Variants in GRAMD1C observed in about 807,000 individuals in gnomAD.
The protein encoded by GRAMD1C is protein Aster-C.
In GRAMD1C, 89 loss-of-function variants were observed where a neutral mutation model predicts 97.8. The observed-to-expected ratio is 0.91, with a 90% CI of 0.77 to 1.09. GRAMD1C has a LOEUF of 1.09. GRAMD1C is among the 50% of genes least tolerant of loss of function. The probability of loss-of-function intolerance (pLI) is 0.00; values close to 1 mark genes in which losing one functional copy is unlikely to be tolerated. For synonymous variants in GRAMD1C, 256 were observed against 267.0 expected (o/e 0.96, Z 0.40); for missense variants, 740 against 766.4 (o/e 0.97, Z 0.41).
intron 10 of GRAMD1C, among the ~76,000 whole-genome samples, chr3:113,924,687 TTGTG>T (rs1216122429): frequency 6.6e-6 from 1 of 152,226 alleles, no homozygotes. Context: ...TAATGGCTGA[TTGTG>T]TGGTCGATTT....
intron 2 of GRAMD1C, among the ~76,000 whole-genome samples, chr3:113,857,066 T>G (rs1934160807): frequency 6.6e-6 from 1 of 151,972 alleles, no homozygotes; most frequent in African/African-American, 2.4e-5. Flanking sequence ...CTCGAACTCC[T>G]GAGCTCAAGT....
intron 6 of GRAMD1C, among the ~76,000 whole-genome samples, chr3:113,895,286 C>T (rs769358508): frequency 6.6e-6 from 1 of 152,122 alleles, no homozygotes; most frequent in Non-Finnish European, 1.5e-5. Context: ...TTCTGATCAC[C>T]AGAAAGGAAT....
intron 6 of GRAMD1C, 118 bp from the exon 7 acceptor site, chr3:113,900,913 C>T (rs546560018): frequency 2.4e-5 from 13 of 546,266 alleles, no homozygotes; most frequent in Admixed American, 1.9e-4. Context: ...ACTACCAAAG[C>T]CCCATATCTA....
At position 113,838,874 on chromosome 3, in the gene GRAMD1C, G is replaced by T. The variant is rs909107791; in HGVS notation, c.-36G>T. The T allele has an allele frequency of 2.4e-5, 30 of 1,228,004 alleles. No homozygotes were observed. In the African/African-American group the frequency reaches 4.4e-4, roughly 18 times the overall value. The allele number at this position is 1,228,004 out of a possible 1,614,324, so 76.1% of individuals were successfully genotyped here. On this transcript the variant is annotated 5_prime_UTR_variant, in exon 1 of 18. Coordinates refer to ENST00000358160, the MANE Select transcript of GRAMD1C (RefSeq NM_017577.5). ...GGCGCGGGGCGGTGCGGTGCGGTGC[G>T]CGCGGGGCGGTGCCGCGGCGGCGGA...
chr3:113,926,255 T>C (rs1464122434), intron 10 of GRAMD1C, among the ~76,000 whole-genome samples: 1 of 152,212 alleles, frequency 6.6e-6, no homozygotes, highest in Non-Finnish European at 1.5e-5. Context: ...TTTTTTATTC[T>C]TTTTTCTTTA....
chr3:113,880,422 T>C (rs1267652096), intron 5 of GRAMD1C, among the ~76,000 whole-genome samples: 1 of 152,172 alleles, frequency 6.6e-6, no homozygotes. Flanking sequence ...CTCCTTTTTT[T>C]TAAAAAAACA....
In GRAMD1C at chr3:113,940,949, G is replaced by A. The variant is rs1202255865; in HGVS notation, c.1908+604G>A. 1.2e-4 allele frequency among the ~76,000 whole-genome samples: 19 copies of A among 152,178 alleles called. No individual in the cohort carries two copies. In the East Asian group the frequency reaches 1.5e-3, roughly 12 times the overall value. On this transcript the variant is annotated intron_variant, in intron 17 of 17. Transcript: ENST00000358160. ...TAAATCTCTCAGAATCTTTATTCACGTAGGTACTCCATTGATGAGGTCTTC... is the reference window on the plus strand; with the variant it reads ...TAAATCTCTCAGAATCTTTATTCACATAGGTACTCCATTGATGAGGTCTTC...
At chr3:113,908,082 TCCTC>T (rs1936432010) in intron 8 of GRAMD1C, among the ~76,000 whole-genome samples, 1 of 152,176 alleles carries the variant, frequency 6.6e-6, no homozygotes, top group African/African-American at 2.4e-5. Flanking sequence ...GAAACCTGTA[TCCTC>T]CCTGGAGCTG....
chr3:113,917,386 C>T (rs1369912278), intron 10 of GRAMD1C, among the ~76,000 whole-genome samples: 8 of 152,078 alleles, frequency 5.3e-5, no homozygotes, highest in Non-Finnish European at 8.8e-5. Context: ...TGAAGAGGTG[C>T]GATCTCGGCT....
intron 12 of GRAMD1C, among the ~76,000 whole-genome samples, chr3:113,934,138 G>C (rs1937533657): frequency 1.3e-5 from 2 of 152,112 alleles, no homozygotes; most frequent in Non-Finnish European, 2.9e-5. Context: ...AAGGAATTTA[G>C]AAAATTTAGT....
At chr3:113,929,875 G>C (rs1420562371) in intron 10 of GRAMD1C, among the ~76,000 whole-genome samples, 2 of 152,088 alleles carry the variant, frequency 1.3e-5, no homozygotes, top group Non-Finnish European at 2.9e-5. Flanking sequence ...TTAGATAAAG[G>C]CTCCTATGCT....
intron 10 of GRAMD1C, among the ~76,000 whole-genome samples, chr3:113,924,116 C>T (rs4682512): frequency 0.21 from 28,780 of 134,772 alleles, 2,933 homozygotes; most frequent in Middle Eastern, 0.26. Flanking sequence ...TCTGTGGGGT[C>T]GGTGGTAATG....
intron 5 of GRAMD1C, among the ~76,000 whole-genome samples, chr3:113,878,321 T>G (rs886718907): frequency 6.6e-6 from 1 of 152,106 alleles, no homozygotes; most frequent in East Asian, 1.9e-4. Context: ...ATTTACCTAT[T>G]TTTCTGGCCC....
intron 6 of GRAMD1C, among the ~76,000 whole-genome samples, chr3:113,892,790 G>A (rs1202727444): frequency 6.6e-6 from 1 of 152,102 alleles, no homozygotes; most frequent in African/African-American, 2.4e-5. Context: ...GAACTGTGCA[G>A]TCATAGTTCA....
At chr3:113,848,492 T>G (rs1274430579) in intron 2 of GRAMD1C, among the ~76,000 whole-genome samples, 1 of 46,550 alleles carries the variant, frequency 2.1e-5, no homozygotes. Context: ...TTAGTTGTTG[T>G]ATTTGTTTTT....
At chr3:113,919,297 T>A in intron 10 of GRAMD1C, 1 of 472,506 alleles carries the variant, frequency 2.1e-6, no homozygotes, top group Admixed American at 2.4e-5. Context: ...GCCAGGAAAA[T>A]GACAGAAATG....
chr3:113,858,184 T>G (rs948602406), intron 2 of GRAMD1C, among the ~76,000 whole-genome samples: 2 of 151,948 alleles, frequency 1.3e-5, no homozygotes, highest in African/African-American at 2.4e-5. Context: ...GTAGTTTATG[T>G]TTTTTGATAA....
chr3:113,843,670 C>A (rs1424653086), intron 1 of GRAMD1C, among the ~76,000 whole-genome samples: 1 of 152,094 alleles, frequency 6.6e-6, no homozygotes, highest in African/African-American at 2.4e-5. Context: ...GACAGGGTTT[C>A]ATTATATCGG....
At chr3:113,865,180 G>A (rs1934538588) in intron 2 of GRAMD1C, among the ~76,000 whole-genome samples, 1 of 152,084 alleles carries the variant, frequency 6.6e-6, no homozygotes, top group Admixed American at 6.5e-5. Context: ...TGCTCTTTTG[G>A]TAATTAATCC....
Sources: gnomAD v4.1 joint callset for allele counts (sites outside exome capture counted in the v4.1 genomes callset) on GRCh38, gnomAD v4.1.1 for gene constraint, MANE v1.5 for transcripts, NCBI Gene and HGNC (gene_info 2026-07-23, HGNC 2026-07-21) for gene names.